Variants in LRIG1 observed in about 807,000 individuals in gnomAD.
LRIG1 encodes leucine rich repeats and immunoglobulin like domains 1.
In LRIG1, 48 loss-of-function variants were observed where a neutral mutation model predicts 99.2. The ratio of observed to expected loss-of-function variants is 0.48; its 90% CI spans 0.38 to 0.62. The LOEUF (loss-of-function observed/expected upper bound fraction) is 0.62. Ranked by LOEUF, LRIG1 falls within the 20% of genes least tolerant of loss-of-function variation. LRIG1 has a pLI of 0.00. For missense variants in LRIG1, 1,646 were observed against 1,434.4 expected, an observed-to-expected ratio of 1.15 and a Z score of -2.38; for synonymous variants, 772 against 596.1, an observed-to-expected ratio of 1.29 and a Z score of -4.30.
chr3:66,451,080 A>G (rs1413818384), intron 3 of LRIG1, among the ~76,000 whole-genome samples: 1 of 152,200 alleles, frequency 6.6e-6, no homozygotes, highest in African/African-American at 2.4e-5. Context: ...CATCTTATCT[A>G]ACACTTGACC....
At position 66,412,991 on chromosome 3, in the gene LRIG1, C is replaced by T. The variant is rs142754753; in HGVS notation, c.671G>A (p.Arg224Gln). The change falls in exon 6 of 19, where the codon CGG (arginine) becomes CAG (glutamine). Residue 224 changes from arginine (R) to glutamine (Q), a missense_variant. Physicochemically the swap from Arg to Gln is conservative, Grantham distance 43. Transcript: ENST00000273261. ...TQLDLNRNRI[R>Q]LIEGLTFQGL... is the part of the protein sequence containing the mutation. ...CTGGAAGGTGAGGCCCTCTATCAGC[C>T]GAATCCTGTTCCGATTGAGGTCCCT... 31 of 1,614,086 alleles carry T rather than the reference C, an allele frequency of 1.9e-5. No individual in the cohort carries two copies. The African/African-American group carries it at 2.4e-4, about 13-fold the overall frequency.
chr3:66,482,498 C>T (rs1261838726), intron 1 of LRIG1, among the ~76,000 whole-genome samples: 2 of 152,166 alleles, frequency 1.3e-5, no homozygotes. Flanking sequence ...ATCCATTAAA[C>T]TGGTACATGA....
chr3:66,500,158 G>T, intron 1 of LRIG1, 32 bp downstream of exon 1: 1 of 1,490,118 alleles, frequency 6.7e-7, no homozygotes, highest in Non-Finnish European at 9.0e-7. Context: ...AGAGCCCCGG[G>T]GCGCAGAGAG....
chr3:66,464,732 T>C (rs1285744546), intron 1 of LRIG1, among the ~76,000 whole-genome samples: 1 of 152,174 alleles, frequency 6.6e-6, no homozygotes, highest in Non-Finnish European at 1.5e-5. Context: ...ATGAGATAAC[T>C]TCCCTCACTT....
chr3:66,464,727 A>G (rs1700433240), intron 1 of LRIG1, among the ~76,000 whole-genome samples: 1 of 152,180 alleles, frequency 6.6e-6, no homozygotes, highest in Non-Finnish European at 1.5e-5. Context: ...CTGAAATGAG[A>G]TAACTTCCCT....
At chr3:66,469,353 A>T (rs1387126031) in intron 1 of LRIG1, 1 of 152,234 alleles carries the variant, frequency 6.6e-6, no homozygotes, top group Non-Finnish European at 1.5e-5. Flanking sequence ...TTTTACATAG[A>T]CCATTATCTA....
rs1702603563 is a variant in LRIG1 at position 66,415,943 on chromosome 3, G to A, written c.504-880C>T. On this transcript the variant is annotated intron_variant, in intron 4 of 18. Transcript: ENST00000273261. ...GAGAGGATTTTCTGCCACAGAGGGTGGAAGGGAGCAAGGCACTTTTTGTCT... is the reference window on the plus strand; with the variant it reads ...GAGAGGATTTTCTGCCACAGAGGGTAGAAGGGAGCAAGGCACTTTTTGTCT... Among the ~76,000 whole-genome samples, 3 of 152,188 alleles carry A rather than the reference G, an allele frequency of 2.0e-5. No homozygotes were observed. The South Asian group carries it at 6.2e-4, about 32-fold the overall frequency.
chr3:66,384,850 C>T (rs542820081), intron 13 of LRIG1, among the ~76,000 whole-genome samples: 14 of 152,244 alleles, frequency 9.2e-5, no homozygotes, highest in South Asian at 6.2e-4. Context: ...CAGAGTGGGA[C>T]GCATCCAGCC....
Position 66,380,085 on chromosome 3 carries a change from A to C in LRIG1, c.*178T>G. The C allele has an allele frequency of 1.8e-6, 1 of 548,018 alleles. No homozygotes were observed. The highest frequency in any genetic ancestry group is 3.2e-6 in the Non-Finnish European group (1 of 313,670). The allele number at this position is 548,018 out of a possible 1,614,324, so 33.9% of individuals were successfully genotyped here. A position where few individuals can be genotyped will look rare whatever the true frequency, so the allele number is the denominator to read the frequency against. On this transcript the variant is annotated 3_prime_UTR_variant, in exon 19 of 19. Coordinates refer to ENST00000273261, the MANE Select transcript of LRIG1 (RefSeq NM_015541.3). ...CAAATACTTTTTTTGCCTTTTGTAC[A>C]CAAATCCCCTCTTGCGTTTACTGTG... is the stretch of plus-strand genomic sequence containing the variant.
chr3:66,388,098 C>A (rs1406586630), intron 12 of LRIG1: 2 of 85,190 alleles, frequency 2.3e-5, no homozygotes, highest in South Asian at 4.9e-4. Flanking sequence ...CAGAGCAAGA[C>A]TCTGTCTCAA....
At chr3:66,446,605 C>T (rs963944170) in intron 3 of LRIG1, among the ~76,000 whole-genome samples, 25 of 151,794 alleles carry the variant, frequency 1.6e-4, no homozygotes, top group African/African-American at 5.8e-4. Context: ...GGAGTTTCGC[C>T]ATTTTGGCCA....
intron 1 of LRIG1, among the ~76,000 whole-genome samples, chr3:66,469,807 G>A (rs1485804962): frequency 1.3e-5 from 2 of 149,618 alleles, no homozygotes; most frequent in South Asian, 2.1e-4. Flanking sequence ...GGTGGTTCAC[G>A]CCTATAAATC....
At chr3:66,408,964 T>TGTGGG (rs1575668634) in intron 7 of LRIG1, among the ~76,000 whole-genome samples, 258 of 16,962 alleles carry the variant, frequency 0.015, no homozygotes, top group Non-Finnish European at 0.018. Flanking sequence ...GTGTGTGTGG[T>TGTGGG]GGGGGGAGGG....
At position 66,379,117 on chromosome 3, in the gene LRIG1, AGGACCTTGTTTCTATTTAAGT is replaced by A. The variant is rs1700872748; in HGVS notation, c.*1125_*1145del. The A allele has an allele frequency of 6.6e-6, 1 of 152,642 alleles. No individual in the cohort carries two copies. Among genetic ancestry groups the A allele is most frequent in the African/African-American group, 2.4e-5 (1 of 41,442 alleles). The allele number at this position is 152,642 out of a possible 1,614,324, so 9.5% of individuals were successfully genotyped here. A position where few individuals can be genotyped will look rare whatever the true frequency, so the allele number is the denominator to read the frequency against. On this transcript the variant is annotated 3_prime_UTR_variant, in exon 19 of 19. Transcript: ENST00000273261. ...AGCTTTTGGCCAAAGGAACATTTGA[AGGACCTTGTTTCTATTTAAGT>A]TTTACTAAATGACACATTGGCACTC...
At chr3:66,471,450 G>C (rs79642836) in intron 1 of LRIG1, among the ~76,000 whole-genome samples, 3 of 152,284 alleles carry the variant, frequency 2.0e-5, no homozygotes, top group South Asian at 4.1e-4. Flanking sequence ...CAGAACAGAG[G>C]GGGGTTGGAA....
At chr3:66,493,114 G>T (rs7633455) in intron 1 of LRIG1, among the ~76,000 whole-genome samples, 130,624 of 152,188 alleles carry the variant, frequency 0.86, 58,699 homozygotes, top group Non-Finnish European at 0.99. Context: ...CCAAAGAGAA[G>T]CGGGTACAGT....
At chr3:66,412,468 G>GA (rs994867465) in intron 6 of LRIG1, among the ~76,000 whole-genome samples, 3 of 152,168 alleles carry the variant, frequency 2.0e-5, no homozygotes, top group Non-Finnish European at 4.4e-5. Flanking sequence ...TCAATCCGCT[G>GA]AAACTTCCCC....
At chr3:66,473,168 T>C (rs776973365) in intron 1 of LRIG1, among the ~76,000 whole-genome samples, 5 of 152,142 alleles carry the variant, frequency 3.3e-5, no homozygotes, top group Non-Finnish European at 7.3e-5. Flanking sequence ...ATGAAAGTGG[T>C]TTGTTTTCAA....
intron 12 of LRIG1, among the ~76,000 whole-genome samples, chr3:66,389,474 G>C (rs1032137476): frequency 1.3e-5 from 2 of 152,160 alleles, no homozygotes; most frequent in African/African-American, 2.4e-5. Context: ...AAGAGACACA[G>C]TGTGGATTCA....
Sources: allele counts gnomAD v4.1 joint callset (sites outside exome capture counted in the v4.1 genomes callset), GRCh38; gene constraint gnomAD v4.1.1; transcripts MANE v1.5; gene names NCBI Gene and HGNC (gene_info 2026-07-23, HGNC 2026-07-21).